Variants in HMGB1 observed in about 807,000 individuals in gnomAD.
HMGB1 encodes the protein high mobility group protein B1.
For missense variants in HMGB1, 79 were observed against 253.5 expected, an observed-to-expected ratio of 0.31 and a Z score of 4.67; for synonymous variants, 81 against 84.0, an observed-to-expected ratio of 0.96 and a Z score of 0.19.
chr13:30,486,902 G>A (rs1187841277), intron 1 of HMGB1, among the ~76,000 whole-genome samples: 1 of 152,202 alleles, frequency 6.6e-6, no homozygotes, highest in African/African-American at 2.4e-5. Flanking sequence ...CTGCAGAGGA[G>A]TGCTGCCCGA....
chr13:30,610,503 AC>A lies in HMGB1; in HGVS notation c.-15+6167del, dbSNP rs143202591. 7.3e-3 allele frequency among the ~76,000 whole-genome samples: 1,111 copies of A among 152,336 alleles called. 19 individuals are homozygous for A. The highest frequency in any genetic ancestry group is 0.026 in the African/African-American group (1,063 of 41,578). On this transcript the variant is annotated intron_variant, in intron 1 of 4. Coordinates refer to the HMGB1 transcript ENST00000405805. ...ACTGCCAGACATTGTTCTATGTCTT[AC>A]CTCATTTAAGAGAATTTCATTTCAC...
chr13:30,506,363 G>A lies in HMGB1; in HGVS notation c.-14-42669C>T, dbSNP rs1296564920. Among the ~76,000 whole-genome samples the A allele has an allele frequency of 2.0e-5, 3 of 152,200 alleles. No homozygotes were observed. The East Asian group carries it at 5.8e-4, about 29-fold the overall frequency. ...CCAGAGGAAACAGGAATCTGGCTGA[G>A]GAAAGGTCAGCTGCGTTCCCAGACC... On this transcript the variant is annotated intron_variant, in intron 1 of 4. Transcript: ENST00000405805.
intron 1 of HMGB1, among the ~76,000 whole-genome samples, chr13:30,516,246 T>C (rs1412408751): frequency 6.6e-6 from 1 of 152,222 alleles, no homozygotes; most frequent in East Asian, 1.9e-4. Flanking sequence ...TAAATCAAAA[T>C]AGTAGGACTA....
At chr13:30,609,329 G>C (rs1020502104) in intron 1 of HMGB1, among the ~76,000 whole-genome samples, 19 of 152,080 alleles carry the variant, frequency 1.2e-4, no homozygotes, top group African/African-American at 4.1e-4. Flanking sequence ...GAAAATCTGA[G>C]GGAGAAAAAA....
intron 1 of HMGB1, among the ~76,000 whole-genome samples, chr13:30,609,256 T>C (rs888838626): frequency 1.3e-5 from 2 of 152,072 alleles, no homozygotes; most frequent in Non-Finnish European, 2.9e-5. Context: ...CCAGACTCCG[T>C]CTCAAAAAAA....
Position 30,559,212 on chromosome 13 carries a change from T to G in HMGB1, c.-15+57459A>C, listed in dbSNP as rs1424274238. Among the ~76,000 whole-genome samples, 1 of 152,130 alleles carries G rather than the reference T, an allele frequency of 6.6e-6. No homozygotes were observed. Among genetic ancestry groups the G allele is most frequent in the East Asian group, 1.9e-4 (1 of 5,192 alleles). ...GAGAAGCACTGCCTTAGATCATTCCTTACCAAGGTACGTTAGGCACTGGCC... is the reference window on the plus strand; with the variant it reads ...GAGAAGCACTGCCTTAGATCATTCCGTACCAAGGTACGTTAGGCACTGGCC... On this transcript the variant is annotated intron_variant, in intron 1 of 4. Coordinates refer to the HMGB1 transcript ENST00000405805. This position sits in a 1 kb window ranked among gnomAD's most constrained non-coding sequence, Gnocchi z 6.6.
chr13:30,596,416 T>C (rs2137558620), intron 1 of HMGB1, among the ~76,000 whole-genome samples: 1 of 152,340 alleles, frequency 6.6e-6, no homozygotes, highest in African/African-American at 2.4e-5. Flanking sequence ...AGCCATCAGA[T>C]GCTCCAAATG....
chr13:30,605,265 G>A (rs912136198), intron 1 of HMGB1, among the ~76,000 whole-genome samples: 5 of 152,186 alleles, frequency 3.3e-5, no homozygotes, highest in African/African-American at 1.2e-4. Context: ...AAGTTCAGGG[G>A]AGAGGCTGGG....
At chr13:30,584,305 T>C (rs1871048012) in intron 1 of HMGB1, among the ~76,000 whole-genome samples, 1 of 152,222 alleles carries the variant, frequency 6.6e-6, no homozygotes, top group Non-Finnish European at 1.5e-5. Flanking sequence ...GTGCACTTTT[T>C]CTTTTCTCTG....
chr13:30,564,628 TGTGGCCACTA>T (rs1870112234), intron 1 of HMGB1, among the ~76,000 whole-genome samples: 1 of 152,262 alleles, frequency 6.6e-6, no homozygotes, highest in African/African-American at 2.4e-5. Context: ...ATTTTTCTAT[TGTGGCCACTA>T]GTGGCAATAT....
intron 1 of HMGB1, chr13:30,554,166 G>A: frequency 2.2e-6 from 3 of 1,364,924 alleles, no homozygotes; most frequent in Non-Finnish European, 3.1e-6. Context: ...AATATCAATA[G>A]TGGTGAAACC....
chr13:30,567,007 T>C (rs960203671), intron 1 of HMGB1, among the ~76,000 whole-genome samples: 12 of 152,254 alleles, frequency 7.9e-5, no homozygotes, highest in African/African-American at 2.9e-4. Flanking sequence ...CTCACTGCTT[T>C]GGTGGGGAGC....
At chr13:30,475,655 C>T (rs1205022529) in intron 1 of HMGB1, among the ~76,000 whole-genome samples, 1 of 152,018 alleles carries the variant, frequency 6.6e-6, no homozygotes, top group African/African-American at 2.4e-5. Context: ...AGCTATGATC[C>T]TGCCATCACA....
chr13:30,594,529 T>C (rs895804974), intron 1 of HMGB1, among the ~76,000 whole-genome samples: 1 of 152,240 alleles, frequency 6.6e-6, no homozygotes, highest in Non-Finnish European at 1.5e-5. Flanking sequence ...TGCCTCCAGT[T>C]ACATTCATGT....
At chr13:30,589,648 C>A (rs1871293761) in intron 1 of HMGB1, among the ~76,000 whole-genome samples, 1 of 152,168 alleles carries the variant, frequency 6.6e-6, no homozygotes, top group South Asian at 2.1e-4. Context: ...GCAGGAAGAT[C>A]ACTTGAGCCC....
intron 1 of HMGB1, among the ~76,000 whole-genome samples, chr13:30,509,229 C>A (rs781536425): frequency 6.7e-6 from 1 of 150,326 alleles, no homozygotes; most frequent in Non-Finnish European, 1.5e-5. Flanking sequence ...TGAGTCACTG[C>A]GCCCAGCACC....
chr13:30,489,154 A>G (rs1191274841), intron 1 of HMGB1, among the ~76,000 whole-genome samples: 1 of 152,136 alleles, frequency 6.6e-6, no homozygotes, highest in Non-Finnish European at 1.5e-5. Context: ...AACACCATTA[A>G]CTCAACAGTA....
At chr13:30,597,330 A>T (rs758462030) in intron 1 of HMGB1, among the ~76,000 whole-genome samples, 123 of 152,284 alleles carry the variant, frequency 8.1e-4, no homozygotes, top group Non-Finnish European at 1.6e-3. Flanking sequence ...GACACCAAAG[A>T]TTTTCAGCAA....
At chr13:30,515,565 C>T (rs927043694) in intron 1 of HMGB1, among the ~76,000 whole-genome samples, 3 of 151,998 alleles carry the variant, frequency 2.0e-5, no homozygotes, top group African/African-American at 4.8e-5. Flanking sequence ...TTTATCTTAT[C>T]GCCAGTAAGG....
Sources: allele counts gnomAD v4.1 joint callset (sites outside exome capture counted in the v4.1 genomes callset), GRCh38; gene constraint gnomAD v4.1.1; non-coding constraint Gnocchi (gnomAD v3.1); transcripts MANE v1.5; gene names NCBI Gene and HGNC (gene_info 2026-07-23, HGNC 2026-07-21).